Variants in DLGAP2 observed in about 807,000 individuals in gnomAD.
DLGAP2 encodes DLG associated protein 2, also known as disks large-associated protein 2.
Under a neutral mutation model 100.3 loss-of-function variants are expected in DLGAP2, and 26 were observed. The observed-to-expected ratio is 0.26, with a 90% CI of 0.19 to 0.36. DLGAP2 has a LOEUF of 0.36. Among genes scored for constraint, DLGAP2 ranks in the 10% least tolerant of loss-of-function variants. The probability of loss-of-function intolerance (pLI) is 1.00; values close to 1 mark genes in which losing one functional copy is unlikely to be tolerated. For synonymous variants in DLGAP2, 886 were observed against 630.1 expected, an observed-to-expected ratio of 1.41 and a Z score of -6.08; for missense variants, 1,858 against 1,453.2, an observed-to-expected ratio of 1.28 and a Z score of -4.53.
chr8:1,038,477 G>C (rs955997651), intron 2 of DLGAP2, among the ~76,000 whole-genome samples: 1 of 152,206 alleles, frequency 6.6e-6, no homozygotes, highest in Non-Finnish European at 1.5e-5. Context: ...TGGAGCCTCT[G>C]TTCAGTACTG....
At chr8:1,093,161 A>G (rs1804241420) in intron 2 of DLGAP2, among the ~76,000 whole-genome samples, 1 of 152,292 alleles carries the variant, frequency 6.6e-6, no homozygotes, top group South Asian at 2.1e-4. Context: ...TATGAGGGCC[A>G]TCTCCTTCAC....
At chr8:1,623,807 C>T (rs2130763691) in intron 6 of DLGAP2, among the ~76,000 whole-genome samples, 1 of 152,356 alleles carries the variant, frequency 6.6e-6, no homozygotes, top group South Asian at 2.1e-4. Context: ...CAATGCAAAA[C>T]ACTTATTAGC....
chr8:1,676,450 G>A (rs1585053638), intron 10 of DLGAP2, 83 bp from the exon 11 acceptor site: 13 of 1,422,580 alleles, frequency 9.1e-6, no homozygotes, highest in South Asian at 2.5e-5. Context: ...ATTAATTACA[G>A]CAAATCCACA....
chr8:785,247 A>AAAAAAAAAAC, intron 1 of DLGAP2, among the ~76,000 whole-genome samples: 1 of 145,162 alleles, frequency 6.9e-6, no homozygotes, highest in African/African-American at 2.5e-5. Flanking sequence ...AAAAAAAAAA[A>AAAAAAAAAAC]AAAAAGGCAC....
chr8:1,080,705 C>T (rs1034700098), intron 2 of DLGAP2, among the ~76,000 whole-genome samples: 9 of 152,192 alleles, frequency 5.9e-5, no homozygotes, highest in Non-Finnish European at 1.2e-4. Context: ...GGTGCTTGTT[C>T]AGCTCATGCA....
chr8:794,471 G>A (rs1419470525), intron 1 of DLGAP2, among the ~76,000 whole-genome samples: 3 of 152,180 alleles, frequency 2.0e-5, no homozygotes, highest in African/African-American at 4.8e-5. Flanking sequence ...TTAACTAAAA[G>A]TCTCCCTTAT....
At chr8:1,242,620 G>C (rs1237410540) in intron 2 of DLGAP2, among the ~76,000 whole-genome samples, 1 of 152,206 alleles carries the variant, frequency 6.6e-6, no homozygotes, top group African/African-American at 2.4e-5. Context: ...TGTGGCACTT[G>C]TTGCCGTTGA....
intron 3 of DLGAP2, among the ~76,000 whole-genome samples, chr8:1,496,247 C>T (rs1407531432): frequency 1.3e-5 from 2 of 152,098 alleles, no homozygotes; most frequent in Non-Finnish European, 2.9e-5. Flanking sequence ...TGTTGCAGGT[C>T]AGTGCAGAAT....
intron 6 of DLGAP2, among the ~76,000 whole-genome samples, chr8:1,602,027 G>A (rs1449927969): frequency 2.0e-5 from 3 of 149,962 alleles, no homozygotes; most frequent in African/African-American, 4.9e-5. Context: ...TATCCCTCAC[G>A]AGCTGTCAGT....
In DLGAP2 at chr8:1,701,366, G is replaced by A; in HGVS notation, c.3128G>A (p.Ser1043Asn). The change falls in exon 15 of 15, where the codon AGC becomes AAC. Residue 1043 changes from serine (S) to asparagine (N), a missense_variant. Ser to Asn is a conservative substitution (Grantham distance 46). Coordinates refer to ENST00000637795, the MANE Select transcript of DLGAP2 (RefSeq NM_001346810.2). Reference protein sequence around the residue: ...RQNSASERADSIEIYIPEAQT... With the variant: ...RQNSASERADNIEIYIPEAQT... The stretch of plus-strand genomic sequence containing the variant: ...AATTCCGCCTCCGAGCGCGCGGACA[G>A]CATCGAGATCTACATCCCCGAGGCC... The A allele has an allele frequency of 6.3e-7, 1 of 1,585,906 alleles. No homozygotes were observed. The highest frequency in any genetic ancestry group is 1.4e-5 in the African/African-American group (1 of 72,808).
intron 2 of DLGAP2, among the ~76,000 whole-genome samples, chr8:975,777 A>G (rs914723730): frequency 6.6e-6 from 1 of 152,198 alleles, no homozygotes; most frequent in Non-Finnish European, 1.5e-5. Flanking sequence ...CTAAACTCAT[A>G]CTTCATGGTG....
intron 2 of DLGAP2, among the ~76,000 whole-genome samples, chr8:1,001,312 G>T (rs1311890188): frequency 6.6e-6 from 1 of 152,174 alleles, no homozygotes. Context: ...TTATCGAGAA[G>T]TCTGCCGAGC....
chr8:773,726 T>G (rs1483697032), intron 1 of DLGAP2, among the ~76,000 whole-genome samples: 1 of 152,152 alleles, frequency 6.6e-6, no homozygotes, highest in Non-Finnish European at 1.5e-5. Context: ...ATATGCCACA[T>G]TTTCTTAATC....
At chr8:789,921 C>T (rs909743506) in intron 1 of DLGAP2, among the ~76,000 whole-genome samples, 9 of 152,204 alleles carry the variant, frequency 5.9e-5, no homozygotes, top group Non-Finnish European at 1.3e-4. Flanking sequence ...TAGCTGCACC[C>T]CTGACCCACT....
At chr8:1,518,869 G>A (rs149221251) in intron 4 of DLGAP2, among the ~76,000 whole-genome samples, 1 of 152,294 alleles carries the variant, frequency 6.6e-6, no homozygotes, top group South Asian at 2.1e-4. Flanking sequence ...GATACTGAGC[G>A]GCATCTGGAT....
intron 2 of DLGAP2, among the ~76,000 whole-genome samples, chr8:1,172,460 A>G (rs1797149431): frequency 6.6e-6 from 1 of 152,018 alleles, no homozygotes; most frequent in Non-Finnish European, 1.5e-5. Context: ...GTTCTCCTGG[A>G]TAATATCCTG....
intron 6 of DLGAP2, among the ~76,000 whole-genome samples, chr8:1,587,148 T>C (rs1584958469): frequency 6.6e-6 from 1 of 152,206 alleles, no homozygotes; most frequent in East Asian, 1.9e-4. Flanking sequence ...TTTGAGAATC[T>C]CCTAATTTTA....
intron 2 of DLGAP2, among the ~76,000 whole-genome samples, chr8:1,100,251 C>T (rs1213877549): frequency 3.3e-5 from 5 of 149,426 alleles, no homozygotes; most frequent in South Asian, 4.3e-4. Flanking sequence ...CCACAGTGGA[C>T]AGCGTGTGTA....
intron 3 of DLGAP2, among the ~76,000 whole-genome samples, chr8:1,288,319 A>C (rs1351331603): frequency 1.6e-3 from 208 of 127,704 alleles, no homozygotes; most frequent in Middle Eastern, 6.5e-3. Context: ...TTAGGAGGGG[A>C]ACTAGTTTCG....
Sources: gnomAD v4.1 joint callset for allele counts (sites outside exome capture counted in the v4.1 genomes callset) on GRCh38, gnomAD v4.1.1 for gene constraint, MANE v1.5 for transcripts, NCBI Gene and HGNC (gene_info 2026-07-23, HGNC 2026-07-21) for gene names.